Variants in DGKD observed in about 807,000 individuals in gnomAD.
DGKD encodes DAG kinase delta.
A neutral mutation model predicts 154.4 loss-of-function variants in DGKD; 68 were observed. The ratio of observed to expected loss-of-function variants is 0.44; its 90% confidence interval spans 0.36 to 0.54. The LOEUF (loss-of-function observed/expected upper bound fraction) is 0.54. DGKD is among the 20% of genes least tolerant of loss of function. The pLI, the probability that DGKD is intolerant of heterozygous loss-of-function variation, is 0.00. For missense variants in DGKD, 1,343 were observed against 1,593.6 expected (o/e 0.84, Z 2.68); for synonymous variants, 693 against 638.0 (o/e 1.09, Z -1.30).
intron 1 of DGKD, chr2:233,386,148 G>A (rs1392692188): frequency 6.9e-6 from 2 of 290,646 alleles, no homozygotes; most frequent in East Asian, 1.0e-4. Context: ...GTTTTGGGTT[G>A]TTGGTTTTGT....
At chr2:233,367,395 A>T (rs1702081318) in intron 1 of DGKD, among the ~76,000 whole-genome samples, 1 of 151,820 alleles carries the variant, frequency 6.6e-6, no homozygotes, top group Non-Finnish European at 1.5e-5. Flanking sequence ...TGCCCGGCTG[A>T]TTTTTTTATT....
Position 233,467,294 on chromosome 2 carries a change from GC to G in DGKD, c.3424+92del, listed in dbSNP as rs1356227923. 13 of 929,910 alleles carry G rather than the reference GC, an allele frequency of 1.4e-5. 1 individual carries two copies. The highest frequency in any genetic ancestry group is 2.1e-5 in the Non-Finnish European group (12 of 564,850). 57.6% of individuals were successfully genotyped at this position (929,910 alleles called of 1,614,324 possible). On this transcript the variant is annotated intron_variant, in intron 28 of 29. Transcript: ENST00000264057. Reference sequence around the variant, plus strand: ...GGTCTCTGCTTTCTCCCTTGGCCTTGCAGCTCCTCCCTCTTGGTCCCTGTGC... The same window carrying G: ...GGTCTCTGCTTTCTCCCTTGGCCTTGAGCTCCTCCCTCTTGGTCCCTGTGC...
rs2064018858 is a variant in DGKD, at chr2:233,471,646, A to G, written c.*2186A>G. 6.6e-6 allele frequency: 1 copy of G among 152,416 alleles called. No individual in the cohort carries two copies. Among genetic ancestry groups the G allele is most frequent in the African/African-American group, 2.4e-5 (1 of 41,474 alleles). The allele number at this position is 152,416 out of a possible 1,614,324, so 9.4% of individuals were successfully genotyped here. A position where few individuals can be genotyped will look rare whatever the true frequency, so the allele number is the denominator to read the frequency against. On this transcript the variant is annotated 3_prime_UTR_variant, in exon 30 of 30. Coordinates refer to ENST00000264057, the MANE Select transcript of DGKD (RefSeq NM_152879.3). ...CTGGCAAGGAGTTGGGTTTGGATCAAAAGTGTTTAAAATTAATATGTTGTC... is the reference window on the plus strand; with the variant it reads ...CTGGCAAGGAGTTGGGTTTGGATCAGAAGTGTTTAAAATTAATATGTTGTC...
chr2:233,454,213 G>T (rs1196518339), intron 18 of DGKD: 2 of 352,492 alleles, frequency 5.7e-6, no homozygotes, highest in Non-Finnish European at 1.1e-5. Context: ...TAACCAAAAC[G>T]TGGAACATCC....
intron 24 of DGKD, among the ~76,000 whole-genome samples, chr2:233,461,823 A>C (rs565536628): frequency 1.3e-3 from 196 of 152,360 alleles, no homozygotes; most frequent in African/African-American, 4.5e-3. Context: ...TGCCTGAGCC[A>C]CATCTCAGCC....
intron 1 of DGKD, among the ~76,000 whole-genome samples, chr2:233,363,805 G>A (rs1406326325): frequency 6.6e-6 from 1 of 152,246 alleles, no homozygotes; most frequent in African/African-American, 2.4e-5. Flanking sequence ...TACAGTGTCA[G>A]CACAGTGATG....
intron 8 of DGKD, among the ~76,000 whole-genome samples, 200 bp downstream of exon 8, chr2:233,437,679 A>G (rs546023520): frequency 6.6e-6 from 1 of 152,336 alleles, no homozygotes; most frequent in East Asian, 1.9e-4. Flanking sequence ...TAGATGGGCC[A>G]GAGACCCAAG....
chr2:233,451,847 A>G (rs1158305857), intron 17 of DGKD, 117 bp from the exon 18 acceptor site: 1 of 844,512 alleles, frequency 1.2e-6, no homozygotes, highest in Non-Finnish European at 1.8e-6. Context: ...AATTTTAGAA[A>G]CATTTAATTA....
rs1703583833 is a variant in DGKD at position 233,391,195 on chromosome 2, C to CT, written c.348+718dup. Among the ~76,000 whole-genome samples, 3 of 150,592 alleles carry CT rather than the reference C, an allele frequency of 2.0e-5. No individual in the cohort carries two copies. The South Asian group carries it at 6.3e-4, about 31-fold the overall frequency. On this transcript the variant is annotated intron_variant, in intron 3 of 29. Coordinates refer to ENST00000264057, the MANE Select transcript of DGKD (RefSeq NM_152879.3). ...TTTTGGTGTATTTCTTTTTTTTTTC[C>CT]TTTTTTATGTTTAAACTTTCTTCCT...
chr2:233,431,811 C>G (rs2062521404), intron 3 of DGKD, among the ~76,000 whole-genome samples: 1 of 152,182 alleles, frequency 6.6e-6, no homozygotes, highest in Non-Finnish European at 1.5e-5. Flanking sequence ...TTGCCATATG[C>G]AAATATCAAA....
At chr2:233,419,092 C>T in intron 3 of DGKD, 2 of 353,414 alleles carry the variant, frequency 5.7e-6, no homozygotes, top group Non-Finnish European at 7.9e-6. Context: ...ATCGGAACAG[C>T]AGGATGTGAG....
intron 3 of DGKD, among the ~76,000 whole-genome samples, chr2:233,405,372 G>A (rs2061658758): frequency 6.6e-6 from 1 of 152,166 alleles, no homozygotes; most frequent in Non-Finnish European, 1.5e-5. Flanking sequence ...TACAAAATTA[G>A]CTGGGTGTGT....
At chr2:233,421,293 T>C (rs2062105900) in intron 3 of DGKD, among the ~76,000 whole-genome samples, 1 of 152,080 alleles carries the variant, frequency 6.6e-6, no homozygotes, top group Non-Finnish European at 1.5e-5. Context: ...CACTGTGGAC[T>C]CCTCTCTGTC....
At chr2:233,460,664 G>A (rs777467253) in intron 24 of DGKD, among the ~76,000 whole-genome samples, 1 of 152,300 alleles carries the variant, frequency 6.6e-6, no homozygotes, top group East Asian at 1.9e-4. Context: ...GCCAAGGTGG[G>A]CAGATCACAA....
intron 1 of DGKD, among the ~76,000 whole-genome samples, chr2:233,361,608 G>A (rs2125376632): frequency 6.6e-6 from 1 of 152,284 alleles, no homozygotes; most frequent in Middle Eastern, 3.4e-3. Flanking sequence ...AGATCAGATG[G>A]AGAGTTTTGG....
rs749174693 is a variant in DGKD at position 233,456,905 on chromosome 2, A to G, written c.2382A>G (p.Arg794=). 8 of 1,613,904 alleles carry G rather than the reference A, an allele frequency of 5.0e-6. No individual in the cohort carries two copies. In the South Asian group the frequency reaches 8.8e-5, roughly 18 times the overall value. ...TCTTTGCTTCTGTTTCTAGGAGCCGAACCAAGAACATGATGTGGTATGGAG... is the reference window on the plus strand; with the variant it reads ...TCTTTGCTTCTGTTTCTAGGAGCCGGACCAAGAACATGATGTGGTATGGAG... ...RDEHPEKCRS[R]TKNMMWYGVL... is the part of the protein sequence containing the mutation. The change falls in exon 20 of 30, where the codon CGA becomes CGG. Residue 794 remains arginine (R), a synonymous_variant. Coordinates refer to ENST00000264057, the MANE Select transcript of DGKD (RefSeq NM_152879.3).
chr2:233,461,461 C>T (rs2063641220), intron 24 of DGKD, among the ~76,000 whole-genome samples: 1 of 152,268 alleles, frequency 6.6e-6, no homozygotes, highest in East Asian at 1.9e-4. Flanking sequence ...TCGCTCTGCA[C>T]TTCCATACCG....
rs547362865 is a variant in DGKD at position 233,387,641 on chromosome 2, T to G, written c.157-616T>G. On this transcript the variant is annotated intron_variant, in intron 1 of 29. Coordinates refer to ENST00000264057, the MANE Select transcript of DGKD (RefSeq NM_152879.3). ...TGGATTCTCGTAAGAGAACGTCTTG[T>G]GTTGGGGTGAACTCATCAGCTTTTC... is the stretch of plus-strand genomic sequence containing the variant. Among the ~76,000 whole-genome samples, 26 of 152,236 alleles carry G rather than the reference T, an allele frequency of 1.7e-4. No homozygotes were observed. In the South Asian group the frequency reaches 5.4e-3, roughly 32 times the overall value.
chr2:233,385,983 T>TTGTGCG (rs1218982782), intron 1 of DGKD: 1 of 470,738 alleles, frequency 2.1e-6, no homozygotes, highest in East Asian at 6.9e-5. Context: ...CTCAGAAAGA[T>TTGTGCG]TGTGCGTGTG....
Sources: gnomAD v4.1 joint callset for allele counts (sites outside exome capture counted in the v4.1 genomes callset) on GRCh38, gnomAD v4.1.1 for gene constraint, MANE v1.5 for transcripts, NCBI Gene and HGNC (gene_info 2026-07-23, HGNC 2026-07-21) for gene names.